The following MYOZ1 variants were observed in gnomAD, a reference collection of about 807,000 sequenced individuals.
MYOZ1 encodes myozenin 1.
MYOZ1 carries 20 observed loss-of-function variants against 28.7 expected under a neutral mutation model. The observed-to-expected ratio is 0.70, with a 90% CI of 0.49 to 1.01. The LOEUF (loss-of-function observed/expected upper bound fraction) is 1.01, where lower values mean the gene tolerates loss of function less well. MYOZ1 is among the 50% of genes least tolerant of loss of function. The pLI, the probability that MYOZ1 is intolerant of heterozygous loss-of-function variation, is 0.00. For missense variants in MYOZ1, 371 were observed against 372.4 expected, an observed-to-expected ratio of 1.00 and a Z score of 0.03; for synonymous variants, 144 against 145.8, an observed-to-expected ratio of 0.99 and a Z score of 0.09.
chr10:73,637,651 G>T, intron 3 of MYOZ1, 93 bp downstream of exon 3: 1 of 1,207,974 alleles, frequency 8.3e-7, no homozygotes, highest in Non-Finnish European at 1.2e-6. Flanking sequence ...TTCAGGGAGG[G>T]GATGTTGACT....
chr10:73,639,318 T>C lies in MYOZ1; in HGVS notation c.73+627A>G, dbSNP rs112402044. Among the ~76,000 whole-genome samples, 53 of 151,940 alleles carry C rather than the reference T, an allele frequency of 3.5e-4. 1 individual carries two copies. The highest frequency in any genetic ancestry group is 1.3e-3 in the African/African-American group (52 of 41,432). Reference sequence around the variant, plus strand: ...TTGTACTTTTTGTAGAGACGAGGTTTTACCATGTGCCTAGGCCAGTCTCAA... The same window carrying C: ...TTGTACTTTTTGTAGAGACGAGGTTCTACCATGTGCCTAGGCCAGTCTCAA... On this transcript the variant is annotated intron_variant, in intron 2 of 5. Transcript: ENST00000359322.
intron 1 of MYOZ1, among the ~76,000 whole-genome samples, chr10:73,640,589 T>G (rs1361672257): frequency 6.6e-6 from 1 of 151,976 alleles, no homozygotes; most frequent in African/African-American, 2.4e-5. Context: ...TTTCATAGAG[T>G]CAGTGCAGGA....
At chr10:73,638,874 C>T (rs1228186332) in intron 2 of MYOZ1, among the ~76,000 whole-genome samples, 4 of 150,850 alleles carry the variant, frequency 2.7e-5, no homozygotes, top group East Asian at 1.9e-4. Flanking sequence ...CCATGTTGGC[C>T]GGGCTGGTCT....
intron 3 of MYOZ1, among the ~76,000 whole-genome samples, chr10:73,634,934 G>C (rs372886778): frequency 2.0e-5 from 3 of 151,828 alleles, no homozygotes; most frequent in African/African-American, 7.3e-5. Context: ...ATTTTTTGTG[G>C]TTTTTTTTAG....
In MYOZ1 at chr10:73,640,048, G is replaced by A; in HGVS notation, c.-18-13C>T. 1.2e-6 allele frequency: 2 copies of A among 1,606,326 alleles called. No individual in the cohort carries two copies. Among genetic ancestry groups the A allele is most frequent in the Non-Finnish European group, 1.7e-6 (2 of 1,173,580 alleles). On this transcript the variant is annotated splice_polypyrimidine_tract_variant and intron_variant, in intron 1 of 5. Transcript: ENST00000359322. The stretch of plus-strand genomic sequence containing the variant: ...AGGTGGATTCAGCCTGGACAGGGTG[G>A]GAAGGAGGAGTTGGTGGATGGACAG...
At chr10:73,638,763 T>A (rs972509163) in intron 2 of MYOZ1, among the ~76,000 whole-genome samples, 21 of 151,556 alleles carry the variant, frequency 1.4e-4, no homozygotes, top group Non-Finnish European at 2.8e-4. Flanking sequence ...ATCTCCTGGG[T>A]TCAAGTGATT....
chr10:73,639,490 G>A (rs1306295551), intron 2 of MYOZ1, among the ~76,000 whole-genome samples: 2 of 152,140 alleles, frequency 1.3e-5, no homozygotes, highest in Non-Finnish European at 2.9e-5. Context: ...GAGTCTCTAG[G>A]TATTGAAGAG....
At chr10:73,634,766 C>A (rs1426384294) in intron 3 of MYOZ1, 33 bp from the exon 4 acceptor site, 6 of 1,601,542 alleles carry the variant, frequency 3.7e-6, no homozygotes, top group Non-Finnish European at 5.1e-6. Context: ...GGAAGGTTAG[C>A]AATGGGTATG....
chr10:73,632,615 A>AC (rs368569767), intron 5 of MYOZ1, among the ~76,000 whole-genome samples: 1,183 of 101,006 alleles, frequency 0.012, 7 homozygotes, highest in South Asian at 0.026. Context: ...AAATACAAAC[A>AC]CCCCCCCCCC....
intron 5 of MYOZ1, among the ~76,000 whole-genome samples, chr10:73,633,670 G>A (rs2081649306): frequency 6.6e-6 from 1 of 152,168 alleles, no homozygotes; most frequent in Non-Finnish European, 1.5e-5. Flanking sequence ...GCTAATAAAT[G>A]ACCATTGAGC....
In MYOZ1 at chr10:73,634,706, C is replaced by T; in HGVS notation, c.280G>A (p.Val94Met). 2 of 1,613,896 alleles carry T rather than the reference C, an allele frequency of 1.2e-6. No homozygotes were observed. The highest frequency in any genetic ancestry group is 1.7e-6 in the Non-Finnish European group (2 of 1,179,808). ...CCAGCTGTGCCCAGCTGTCCCCCCA[C>T]TGTTGGAAGGAACTTCTGGAAGTGA... is the stretch of plus-strand genomic sequence containing the variant. The part of the protein sequence containing the change: ...MDHFQKFLPT[V>M]GGQLGTAGQG... Residue 94 changes from valine (V) to methionine (M), a missense_variant, in exon 4 of 6, where the codon GTG becomes ATG. By Grantham distance (21) the Val-to-Met change is conservative. Coordinates refer to ENST00000359322, the MANE Select transcript of MYOZ1 (RefSeq NM_021245.4).
At chr10:73,639,755 G>A (rs2081692195) in intron 2 of MYOZ1, among the ~76,000 whole-genome samples, 190 bp downstream of exon 2, 1 of 152,174 alleles carries the variant, frequency 6.6e-6, no homozygotes, top group African/African-American at 2.4e-5. Flanking sequence ...AGTGAAAAGG[G>A]TAGAAGGTGT....
In MYOZ1 at chr10:73,640,095, T is replaced by G; in HGVS notation, c.-18-60A>C. ...ACAGGGACTGGGAAGAGTGAGTGTCTGTAGGAGAGCAGCACTTCTTAACCT... is the reference window on the plus strand; with the variant it reads ...ACAGGGACTGGGAAGAGTGAGTGTCGGTAGGAGAGCAGCACTTCTTAACCT... On this transcript the variant is annotated intron_variant, in intron 1 of 5. Transcript: ENST00000359322. The G allele has an allele frequency of 2.1e-6, 3 of 1,412,054 alleles. No individual in the cohort carries two copies. The South Asian group carries it at 3.5e-5, about 17-fold the overall frequency. The allele number at this position is 1,412,054 out of a possible 1,614,324, so 87.5% of individuals were successfully genotyped here. A position where few individuals can be genotyped will look rare whatever the true frequency, so the allele number is the denominator to read the frequency against.
intron 2 of MYOZ1, among the ~76,000 whole-genome samples, chr10:73,638,728 G>A (rs180814326): frequency 1.4e-4 from 21 of 151,118 alleles, no homozygotes; most frequent in Admixed American, 2.6e-4. Context: ...GTGCAATGGC[G>A]CGATTGCAGC....
At chr10:73,632,487 C>T (rs546180571) in intron 5 of MYOZ1, among the ~76,000 whole-genome samples, 26 of 152,056 alleles carry the variant, frequency 1.7e-4, no homozygotes, top group Non-Finnish European at 2.1e-4. Context: ...AGGCCAGGTG[C>T]GGTGCGGTGG....
chr10:73,632,244 T>C, intron 5 of MYOZ1, 83 bp from the exon 6 acceptor site: 1 of 1,233,310 alleles, frequency 8.1e-7, no homozygotes, highest in Non-Finnish European at 1.2e-6. Flanking sequence ...TCTTTGAGAA[T>C]AGGGAAGTCT....
intron 3 of MYOZ1, 138 bp from the exon 4 acceptor site, chr10:73,634,871 TGG>T: frequency 1.0e-6 from 1 of 970,234 alleles, no homozygotes; most frequent in Non-Finnish European, 1.5e-6. Context: ...CTCCAGTTGA[TGG>T]GTAGTACATG....
Position 73,637,808 on chromosome 10 carries a change from C to A in MYOZ1, c.188G>T (p.Arg63Leu). Reference protein sequence around the residue: ...TNRGSKMFKLRQMRVEKFIYE... With the variant: ...TNRGSKMFKLLQMRVEKFIYE... ...AATAAACTTCTCCACCCTCATCTGC[C>A]GCAGTTTGAACATCTTGGAGCCCCG... is the stretch of plus-strand genomic sequence containing the variant. Residue 63 changes from arginine to leucine, a missense_variant, in exon 3 of 6, where the codon CGG (arginine) becomes CTG (leucine). Coordinates refer to ENST00000359322, the MANE Select transcript of MYOZ1 (RefSeq NM_021245.4). 1 of 1,614,114 alleles carries A rather than the reference C, an allele frequency of 6.2e-7. No individual in the cohort carries two copies. The highest frequency in any genetic ancestry group is 8.5e-7 in the Non-Finnish European group (1 of 1,180,030).
At chr10:73,637,949 C>A in intron 2 of MYOZ1, 27 bp from the exon 3 acceptor site, 1 of 1,594,870 alleles carries the variant, frequency 6.3e-7, no homozygotes, top group Non-Finnish European at 8.5e-7. Context: ...GAAGAAGAAT[C>A]AAGGGAAAGA....
Sources: allele counts gnomAD v4.1 joint callset (sites outside exome capture counted in the v4.1 genomes callset), GRCh38; gene constraint gnomAD v4.1.1; transcripts MANE v1.5; gene names NCBI Gene and HGNC (gene_info 2026-07-23, HGNC 2026-07-21).